GRIP1: variants seen among roughly 807,000 people sequenced by gnomAD.
The protein encoded by GRIP1 is glutamate receptor-interacting protein 1.
A neutral mutation model predicts 129.9 loss-of-function variants in GRIP1; 45 were observed. The observed-to-expected ratio is 0.35, with a 90% CI of 0.27 to 0.44. The LOEUF (loss-of-function observed/expected upper bound fraction) is 0.44. GRIP1 is among the 20% of genes least tolerant of loss of function. GRIP1 has a pLI of 1.00. For missense variants in GRIP1, 1,196 were observed against 1,396.8 expected (o/e 0.86, Z 2.29); for synonymous variants, 530 against 520.8 (o/e 1.02, Z -0.24).
intron 1 of GRIP1, among the ~76,000 whole-genome samples, chr12:66,674,833 G>A (rs1327263313): frequency 6.6e-6 from 1 of 152,076 alleles, no homozygotes; most frequent in Non-Finnish European, 1.5e-5. Context: ...TACATGCCCA[G>A]ACAGCAGAAA....
At chr12:66,530,509 T>C (rs182080077) in intron 4 of GRIP1, among the ~76,000 whole-genome samples, 3 of 152,322 alleles carry the variant, frequency 2.0e-5, no homozygotes, top group Non-Finnish European at 1.5e-5. Flanking sequence ...AACTACAGAT[T>C]GACTTAATTT....
chr12:66,585,272 T>C (rs1393510954), intron 2 of GRIP1, among the ~76,000 whole-genome samples: 1 of 101,256 alleles, frequency 9.9e-6, no homozygotes, highest in Non-Finnish European at 1.9e-5. Context: ...CCCACCACCG[T>C]CCCCAGAGTG....
At chr12:66,379,892 A>G (rs2056022248) in intron 19 of GRIP1, among the ~76,000 whole-genome samples, 1 of 151,998 alleles carries the variant, frequency 6.6e-6, no homozygotes, top group Non-Finnish European at 1.5e-5. Flanking sequence ...AACAAAAGAC[A>G]TATTTCTCAT....
At chr12:66,617,016 G>T (rs770788072) in intron 1 of GRIP1, among the ~76,000 whole-genome samples, 15 of 151,680 alleles carry the variant, frequency 9.9e-5, no homozygotes, top group Non-Finnish European at 1.6e-4. Flanking sequence ...GAGAGGGAAG[G>T]CACAGGAGAA....
chr12:66,869,728 G>A (rs2040264671), intron 1 of GRIP1, among the ~76,000 whole-genome samples: 1 of 152,126 alleles, frequency 6.6e-6, no homozygotes. Flanking sequence ...TGTGCCATTA[G>A]CAACAATTTG....
chr12:66,453,315 C>A (rs1241725044), intron 11 of GRIP1, among the ~76,000 whole-genome samples: 1 of 152,178 alleles, frequency 6.6e-6, no homozygotes, highest in East Asian at 1.9e-4. Flanking sequence ...AGTATGAACA[C>A]TAATGAATTC....
At chr12:66,443,548 G>A (rs995684705) in intron 13 of GRIP1, among the ~76,000 whole-genome samples, 6 of 151,350 alleles carry the variant, frequency 4.0e-5, no homozygotes, top group African/African-American at 9.7e-5. Context: ...TCCGCCTCCC[G>A]GGTTCAGGCG....
chr12:67,034,562 A>T (rs191877831), intron 1 of GRIP1, among the ~76,000 whole-genome samples: 17 of 152,306 alleles, frequency 1.1e-4, no homozygotes, highest in Admixed American at 9.8e-4. Context: ...AAAATGGAAC[A>T]CCTATGTAAG....
intron 1 of GRIP1, among the ~76,000 whole-genome samples, chr12:67,023,294 T>C (rs2042894687): frequency 6.6e-6 from 1 of 152,180 alleles, no homozygotes; most frequent in African/African-American, 2.4e-5. Flanking sequence ...ACACTTTGAG[T>C]TAACTTTTTA....
At chr12:66,524,955 A>T (rs1411599394) in intron 5 of GRIP1, among the ~76,000 whole-genome samples, 1 of 152,172 alleles carries the variant, frequency 6.6e-6, no homozygotes, top group African/African-American at 2.4e-5. Flanking sequence ...TCCTCGACAC[A>T]TACACCCTCC....
At chr12:66,651,133 T>C (rs2032765937) in intron 1 of GRIP1, among the ~76,000 whole-genome samples, 1 of 152,184 alleles carries the variant, frequency 6.6e-6, no homozygotes, top group Non-Finnish European at 1.5e-5. Context: ...ATGCATATAC[T>C]TTTTGGTTTT....
At chr12:66,465,159 T>A in intron 8 of GRIP1, 116 bp downstream of exon 8, 1 of 768,660 alleles carries the variant, frequency 1.3e-6, no homozygotes, top group East Asian at 2.9e-5. Flanking sequence ...TTGGCCAAGC[T>A]GGTCTCGAAC....
At chr12:66,379,207 T>G in intron 20 of GRIP1, 73 bp downstream of exon 20, 1 of 1,402,376 alleles carries the variant, frequency 7.1e-7, no homozygotes, top group Non-Finnish European at 1.0e-6. Flanking sequence ...CTACTGGAAG[T>G]ACAGAAGTTC....
chr12:66,809,706 C>T (rs1489500846), intron 1 of GRIP1, among the ~76,000 whole-genome samples: 1 of 149,944 alleles, frequency 6.7e-6, no homozygotes, highest in African/African-American at 2.5e-5. Flanking sequence ...GTTGCCCAGG[C>T]TGGAGTCCAG....
intron 1 of GRIP1, among the ~76,000 whole-genome samples, chr12:66,890,446 A>G (rs1336723103): frequency 6.6e-6 from 1 of 152,210 alleles, no homozygotes; most frequent in Non-Finnish European, 1.5e-5. Flanking sequence ...GTTTAAAAAA[A>G]TTGCCTGTGA....
At chr12:66,757,472 C>T (rs1161368915) in intron 1 of GRIP1, among the ~76,000 whole-genome samples, 4 of 152,142 alleles carry the variant, frequency 2.6e-5, no homozygotes, top group Non-Finnish European at 5.9e-5. Context: ...CTTATCCATT[C>T]ATCTGCTGAT....
At chr12:66,715,283 T>C (rs1416233221) in intron 1 of GRIP1, among the ~76,000 whole-genome samples, 1 of 152,018 alleles carries the variant, frequency 6.6e-6, no homozygotes, top group Non-Finnish European at 1.5e-5. Flanking sequence ...CTACTTGTGC[T>C]TTCTGGAGCC....
chr12:66,450,138 A>C (rs1047667182), intron 11 of GRIP1, among the ~76,000 whole-genome samples: 1 of 151,496 alleles, frequency 6.6e-6, no homozygotes, highest in Non-Finnish European at 1.5e-5. Flanking sequence ...ATCTCTACTA[A>C]AAATACAAAA....
At chr12:67,044,938 G>C (rs147272002) in intron 1 of GRIP1, among the ~76,000 whole-genome samples, 1 of 152,272 alleles carries the variant, frequency 6.6e-6, no homozygotes, top group African/African-American at 2.4e-5. Context: ...ATAACCCAAA[G>C]AAGGTATGAT....
Sources: gnomAD v4.1 joint callset for allele counts (sites outside exome capture counted in the v4.1 genomes callset) on GRCh38, gnomAD v4.1.1 for gene constraint, MANE v1.5 for transcripts, NCBI Gene and HGNC (gene_info 2026-07-23, HGNC 2026-07-21) for gene names.